The following STRADA variants were observed in gnomAD, a reference collection of about 807,000 sequenced individuals.
STRADA encodes the protein STE20-related kinase adapter protein alpha.
In STRADA, 26 loss-of-function variants were observed where a neutral mutation model predicts 55.0. That is an observed-to-expected ratio of 0.47 (90% confidence interval 0.35 to 0.66). STRADA has a LOEUF of 0.66. Ranked by LOEUF, STRADA falls within the 30% of genes least tolerant of loss-of-function variation. The pLI is 0.01. For missense variants in STRADA, 443 were observed against 549.7 expected, an observed-to-expected ratio of 0.81 and a Z score of 1.94; for synonymous variants, 197 against 210.9, an observed-to-expected ratio of 0.93 and a Z score of 0.57.
intron 1 of STRADA, among the ~76,000 whole-genome samples, chr17:63,731,419 C>T (rs1016238369): frequency 6.6e-6 from 1 of 151,996 alleles, no homozygotes; most frequent in African/African-American, 2.4e-5. Context: ...TGCGCTACCA[C>T]ACCCAGCTAA....
chr17:63,739,163 A>T (rs947695807), intron 1 of STRADA, among the ~76,000 whole-genome samples: 3 of 138,752 alleles, frequency 2.2e-5, no homozygotes, highest in Admixed American at 2.1e-4. Context: ...AAAAAAAAAA[A>T]AGGGAAATAG....
intron 1 of STRADA, among the ~76,000 whole-genome samples, chr17:63,738,071 G>A (rs2038579464): frequency 6.6e-6 from 1 of 151,782 alleles, no homozygotes; most frequent in African/African-American, 2.4e-5. Context: ...GGCTGGGCAC[G>A]GTGGCTCACG....
At position 63,703,402 on chromosome 17, in the gene STRADA, TTG is replaced by T. The variant is rs1429184408; in HGVS notation, c.*195_*196del. ...CTGATCCCTGGTTGTTGAGATTCCC[TTG>T]TGTCTCAAAAGCCTTGGAGCAGTGA... On this transcript the variant is annotated 3_prime_UTR_variant, in exon 13 of 13. Transcript: ENST00000336174. The T allele has an allele frequency of 6.9e-6, 4 of 580,404 alleles. No individual in the cohort carries two copies. The highest frequency in any genetic ancestry group is 6.4e-5 in the South Asian group (3 of 46,638). 36.0% of individuals were successfully genotyped at this position (580,404 alleles called of 1,614,324 possible).
At chr17:63,706,888 G>C in intron 9 of STRADA, 149 bp from the exon 10 acceptor site, 1 of 652,164 alleles carries the variant, frequency 1.5e-6, no homozygotes, top group Admixed American at 2.8e-5. Context: ...AAGACTAACT[G>C]GTATTTTACC....
chr17:63,739,080 G>A (rs1215174494), intron 1 of STRADA, among the ~76,000 whole-genome samples: 1 of 148,724 alleles, frequency 6.7e-6, no homozygotes, highest in Non-Finnish European at 1.5e-5. Context: ...GTGAACCTGG[G>A]AGGCGAAGCA....
At chr17:63,729,873 T>C (rs2037911599) in intron 1 of STRADA, among the ~76,000 whole-genome samples, 1 of 151,814 alleles carries the variant, frequency 6.6e-6, no homozygotes, top group Non-Finnish European at 1.5e-5. Context: ...GTTTCACTCT[T>C]GTTGCCCAGG....
intron 1 of STRADA, among the ~76,000 whole-genome samples, chr17:63,736,821 C>T (rs1224917199): frequency 7.1e-6 from 1 of 140,376 alleles, no homozygotes; most frequent in Non-Finnish European, 1.5e-5. Flanking sequence ...GGAAAGTGGC[C>T]TATTTCTTCC....
intron 2 of STRADA, chr17:63,728,004 C>A (rs1267598227): frequency 5.2e-6 from 1 of 191,784 alleles, no homozygotes; most frequent in Non-Finnish European, 1.0e-5. Flanking sequence ...AAACTCACAA[C>A]CTCACGGGGG....
intron 1 of STRADA, among the ~76,000 whole-genome samples, chr17:63,731,141 A>G (rs2038017080): frequency 6.7e-6 from 1 of 149,528 alleles, no homozygotes; most frequent in Admixed American, 6.7e-5. Context: ...ACGGGGTTCC[A>G]CCATGTTGGC....
In STRADA at chr17:63,739,046, G is replaced by T. The variant is rs1478077366; in HGVS notation, c.-45+2695C>A. On this transcript the variant is annotated intron_variant, in intron 1 of 12. Coordinates refer to ENST00000336174, the MANE Select transcript of STRADA (RefSeq NM_001003787.4). ...CGGGCGCCTGTAGTCCCAGCTACTT[G>T]GGAGGCTGAGGCAGGAGAATGGCGT... Among the ~76,000 whole-genome samples, 3 of 149,396 alleles carry T rather than the reference G, an allele frequency of 2.0e-5. No homozygotes were observed. The East Asian group carries it at 5.9e-4, about 29-fold the overall frequency.
At chr17:63,735,642 A>T (rs1288602120) in intron 1 of STRADA, among the ~76,000 whole-genome samples, 2 of 152,250 alleles carry the variant, frequency 1.3e-5, no homozygotes, top group African/African-American at 2.4e-5. Context: ...ATATCTGAGG[A>T]CAGAATGAGA....
intron 4 of STRADA, among the ~76,000 whole-genome samples, chr17:63,719,434 C>T (rs2037131482): frequency 6.6e-6 from 1 of 151,992 alleles, no homozygotes; most frequent in Non-Finnish European, 1.5e-5. Context: ...TTCAAATATT[C>T]ATTTTATGTA....
chr17:63,710,321 C>G (rs1343007279), intron 8 of STRADA, 170 bp downstream of exon 8: 1 of 1,134,802 alleles, frequency 8.8e-7, no homozygotes, highest in Non-Finnish European at 1.2e-6. Context: ...CAGGCGTGAG[C>G]CATCGCGCTG....
intron 4 of STRADA, among the ~76,000 whole-genome samples, chr17:63,718,214 C>T (rs2037034422): frequency 6.6e-6 from 1 of 152,168 alleles, no homozygotes; most frequent in Non-Finnish European, 1.5e-5. Flanking sequence ...TGAGCCACTG[C>T]ACCCTGCTGA....
At chr17:63,717,503 C>G (rs111846204) in intron 4 of STRADA, among the ~76,000 whole-genome samples, 48 of 151,774 alleles carry the variant, frequency 3.2e-4, no homozygotes, top group African/African-American at 1.2e-3. Context: ...TTATTTTAGA[C>G]AGACTCTCAC....
chr17:63,716,307 G>A (rs1005116908), intron 4 of STRADA, among the ~76,000 whole-genome samples: 3 of 151,924 alleles, frequency 2.0e-5, no homozygotes, highest in African/African-American at 7.3e-5. Context: ...ATGTTGCCCA[G>A]CTGGTCTTGA....
At chr17:63,710,922 G>A (rs954100455) in intron 6 of STRADA, 86 bp from the exon 7 acceptor site, 15 of 1,226,948 alleles carry the variant, frequency 1.2e-5, no homozygotes, top group Middle Eastern at 3.8e-4. Flanking sequence ...GGACAATAGG[G>A]GGACCTGGCA....
In STRADA at chr17:63,703,363, G is replaced by A. The variant is rs1375308661; in HGVS notation, c.*236C>T. The A allele has an allele frequency of 8.7e-6, 4 of 461,558 alleles. No individual in the cohort carries two copies. Among genetic ancestry groups the A allele is most frequent in the Admixed American group, 3.9e-5 (1 of 25,634 alleles). 28.6% of individuals were successfully genotyped at this position (461,558 alleles called of 1,614,324 possible). A position where few individuals can be genotyped will look rare whatever the true frequency, so the allele number is the denominator to read the frequency against. ...CTGAGCTCACAGGACTGGGAATGTCGGCTTTGGACCCTCCTGATCCCTGGT... is the reference window on the plus strand; with the variant it reads ...CTGAGCTCACAGGACTGGGAATGTCAGCTTTGGACCCTCCTGATCCCTGGT... On this transcript the variant is annotated 3_prime_UTR_variant, in exon 13 of 13. Transcript: ENST00000336174.
Position 63,710,648 on chromosome 17 carries a change from G to A in STRADA, c.458-34C>T, listed in dbSNP as rs141239244. On this transcript the variant is annotated intron_variant, in intron 7 of 12. Coordinates refer to ENST00000336174, the MANE Select transcript of STRADA (RefSeq NM_001003787.4). Reference sequence around the variant, plus strand: ...AAGGATTGCATGGAGGCAGTGAAAGGTAATGGAGGAGGAAAACACAGGCAA... The same window carrying A: ...AAGGATTGCATGGAGGCAGTGAAAGATAATGGAGGAGGAAAACACAGGCAA... 1.6e-4 allele frequency: 260 copies of A among 1,614,074 alleles called. 2 individuals are homozygous for A. In the Middle Eastern group the frequency reaches 2.0e-3, roughly 12 times the overall value.
Sources: allele counts gnomAD v4.1 joint callset (sites outside exome capture counted in the v4.1 genomes callset), GRCh38; gene constraint gnomAD v4.1.1; transcripts MANE v1.5; gene names NCBI Gene and HGNC (gene_info 2026-07-23, HGNC 2026-07-21).